DPY30: variants seen among roughly 807,000 people sequenced by gnomAD.
DPY30 encodes dpy-30 histone methyltransferase complex regulatory subunit.
DPY30 carries 6 observed loss-of-function variants against 16.2 expected under a neutral mutation model. The ratio of observed to expected loss-of-function variants is 0.37; its 90% CI spans 0.20 to 0.73. The LOEUF (loss-of-function observed/expected upper bound fraction) is 0.73. Ranked by LOEUF, DPY30 falls within the 30% of genes least tolerant of loss-of-function variation. DPY30 has a pLI of 0.51. For synonymous variants in DPY30, 39 were observed against 38.8 expected (o/e 1.00, Z -0.02); for missense variants, 73 against 113.1 (o/e 0.65, Z 1.61).
At chr2:32,029,339 A>C (rs1675447376) in intron 4 of DPY30, among the ~76,000 whole-genome samples, 1 of 152,216 alleles carries the variant, frequency 6.6e-6, no homozygotes, top group African/African-American at 2.4e-5. Flanking sequence ...ATGTTATGTC[A>C]TAATAAATAA....
rs530753006 is a variant in DPY30 at position 32,027,924 on chromosome 2, G to A, written c.227+1670C>T. 2.6e-5 allele frequency among the ~76,000 whole-genome samples: 4 copies of A among 151,920 alleles called. No homozygotes were observed. The East Asian group carries it at 5.9e-4, about 22-fold the overall frequency. ...ATTACAGGCGTGAGCCACCACGCCC[G>A]GCCCAAGATACCCATATTTTAATTG... On this transcript the variant is annotated intron_variant, in intron 4 of 4. Transcript: ENST00000342166.
chr2:32,036,467 C>G (rs1675742228), intron 3 of DPY30, among the ~76,000 whole-genome samples: 1 of 151,846 alleles, frequency 6.6e-6, no homozygotes, highest in African/African-American at 2.4e-5. Flanking sequence ...GTCAGGAGAT[C>G]GAGACCATCC....
At position 32,025,442 on chromosome 2, in the gene DPY30, G is replaced by A. The variant is rs113824664; in HGVS notation, c.228-1186C>T. On this transcript the variant is annotated intron_variant, in intron 4 of 4. Transcript: ENST00000342166. ...CATGCCACTGTACTCCAGCCTGGGC[G>A]ACAGAGCAAGATTCCGTCTCAAAAA... Among the ~76,000 whole-genome samples the A allele has an allele frequency of 6.4e-4, 97 of 151,740 alleles. 2 individuals are homozygous for A. The highest frequency in any genetic ancestry group is 2.0e-3 in the Admixed American group (30 of 15,184).
At chr2:32,033,464 G>A (rs1237457592) in intron 3 of DPY30, among the ~76,000 whole-genome samples, 2 of 152,172 alleles carry the variant, frequency 1.3e-5, no homozygotes, top group Non-Finnish European at 2.9e-5. Context: ...CTTGAGGTTA[G>A]GAGTTCAAGA....
At chr2:32,028,729 T>C (rs184682345) in intron 4 of DPY30, among the ~76,000 whole-genome samples, 154 of 152,268 alleles carry the variant, frequency 1.0e-3, no homozygotes, top group African/African-American at 3.7e-3. Context: ...AGGTGGAGGT[T>C]GCAGTGAGCC....
chr2:32,020,044 G>A (rs1330700017), downstream of DPY30, among the ~76,000 whole-genome samples: 2 of 149,196 alleles, frequency 1.3e-5, no homozygotes, highest in Non-Finnish European at 3.0e-5. Flanking sequence ...TTATTCAAAT[G>A]TTTCATCTAT....
At chr2:32,020,191 G>C (rs1179813263), downstream of DPY30, among the ~76,000 whole-genome samples, 2 of 152,110 alleles carry the variant, frequency 1.3e-5, no homozygotes, top group East Asian at 3.9e-4. Flanking sequence ...GGGTGACAGA[G>C]CAAGACTCCG....
At chr2:32,038,423 G>A (rs1203766622) in intron 3 of DPY30, among the ~76,000 whole-genome samples, 2 of 78,104 alleles carry the variant, frequency 2.6e-5, no homozygotes, top group African/African-American at 9.7e-5. Context: ...GGGGGGGGGC[G>A]GGGGGAGGGA....
chr2:32,035,034 G>A (rs555929909), intron 3 of DPY30, among the ~76,000 whole-genome samples: 8 of 151,670 alleles, frequency 5.3e-5, no homozygotes, highest in East Asian at 3.9e-4. Context: ...GCTTGAACCC[G>A]GGAGGCAGAG....
rs1466097021 is a variant in DPY30, at chr2:32,016,700, AC to A, written n.378-4649del. Among the ~76,000 whole-genome samples, 7 of 151,638 alleles carry A rather than the reference AC, an allele frequency of 4.6e-5. No homozygotes were observed. In the East Asian group the frequency reaches 1.4e-3, roughly 29 times the overall value. ...TCTATTCCTGATTCAATCTACTGATACTCCCAACTAACCCACCCACCAACGT... is the reference window on the plus strand; with the variant it reads ...TCTATTCCTGATTCAATCTACTGATATCCCAACTAACCCACCCACCAACGT... On this transcript the variant is annotated intron_variant and non_coding_transcript_variant, in intron 5 of 5. Transcript: ENST00000414013.
chr2:32,031,823 G>A (rs191886717), intron 3 of DPY30, among the ~76,000 whole-genome samples: 95 of 151,866 alleles, frequency 6.3e-4, no homozygotes, highest in Non-Finnish European at 1.2e-3. Context: ...ATTCCAGGAG[G>A]CAGAGGTTGC....
At chr2:32,036,513 T>C (rs1675744408) in intron 3 of DPY30, among the ~76,000 whole-genome samples, 1 of 151,608 alleles carries the variant, frequency 6.6e-6, no homozygotes, top group Non-Finnish European at 1.5e-5. Context: ...CTACTAAAAA[T>C]ACAAAAAAAT....
chr2:32,037,297 T>TTAAAGTACA (rs1675781260), intron 3 of DPY30, among the ~76,000 whole-genome samples: 1 of 152,176 alleles, frequency 6.6e-6, no homozygotes, highest in Admixed American at 6.6e-5. Context: ...TTACATATCT[T>TTAAAGTACA]TAAAGTACAT....
chr2:32,031,474 G>GT (rs1033655554), intron 3 of DPY30, among the ~76,000 whole-genome samples: 7 of 152,122 alleles, frequency 4.6e-5, no homozygotes, highest in African/African-American at 1.4e-4. Context: ...GTGCACACCT[G>GT]TAATGCCAGC....
downstream of DPY30, among the ~76,000 whole-genome samples, chr2:32,019,835 A>AATATAT (rs901989516): frequency 3.3e-5 from 4 of 123,014 alleles, no homozygotes; most frequent in Admixed American, 3.4e-4. Flanking sequence ...AAAAAAAAAA[A>AATATAT]ATATATATAT....
chr2:32,034,342 G>A (rs905223512), intron 3 of DPY30, among the ~76,000 whole-genome samples: 5 of 152,212 alleles, frequency 3.3e-5, no homozygotes, highest in African/African-American at 1.2e-4. Context: ...TCTGCTTCTT[G>A]TGAGGGCTTC....
At chr2:32,029,456 T>C (rs934721130) in intron 4 of DPY30, 138 bp downstream of exon 4, 1 of 999,818 alleles carries the variant, frequency 1.0e-6, no homozygotes, top group African/African-American at 1.6e-5. Context: ...TATGAGATTA[T>C]GGCTGAATAC....
intron 3 of DPY30, among the ~76,000 whole-genome samples, chr2:32,038,676 G>GCAC (rs1482080004): frequency 6.2e-5 from 8 of 129,168 alleles, no homozygotes; most frequent in Admixed American, 8.9e-5. Flanking sequence ...TTGAGACGGA[G>GCAC]TCTCACTCTG....
At chr2:32,020,606 G>T (rs1024410549), downstream of DPY30, among the ~76,000 whole-genome samples, 2 of 152,086 alleles carry the variant, frequency 1.3e-5, no homozygotes, top group African/African-American at 2.4e-5. Flanking sequence ...TATGGTTTCA[G>T]TGATCTATAG....
Sources: allele counts gnomAD v4.1 joint callset (sites outside exome capture counted in the v4.1 genomes callset), GRCh38; gene constraint gnomAD v4.1.1; transcripts MANE v1.5; gene names NCBI Gene and HGNC (gene_info 2026-07-23, HGNC 2026-07-21).